PIGZ: variants seen among roughly 807,000 people sequenced by gnomAD.
The protein encoded by PIGZ is phosphatidylinositol glycan anchor biosynthesis class Z (Gwada blood group).
In PIGZ, 16 loss-of-function variants were observed where a neutral mutation model predicts 16.4. That is an observed-to-expected ratio of 0.97 (90% CI 0.66 to 1.48). The LOEUF (loss-of-function observed/expected upper bound fraction) is 1.48. Ranked by LOEUF, PIGZ falls within the 40% of genes most tolerant of loss-of-function variation. The probability of loss-of-function intolerance (pLI) is 0.00; values close to 1 mark genes in which losing one functional copy is unlikely to be tolerated. For synonymous variants in PIGZ, 409 were observed against 338.4 expected, an observed-to-expected ratio of 1.21 and a Z score of -2.29; for missense variants, 770 against 739.2, an observed-to-expected ratio of 1.04 and a Z score of -0.48.
chr3:196,958,670 T>C (rs549445), intron 1 of PIGZ, among the ~76,000 whole-genome samples: 104,102 of 152,148 alleles, frequency 0.68, 35,866 homozygotes, highest in East Asian at 0.81. Context: ...CAAAAAACAC[T>C]GTTAACATTT....
rs1182093467 is a variant in PIGZ at position 196,965,040 on chromosome 3, A to C, written c.-1+3647T>G. ...AACACAGGGCAGCCCAAAAGAACTC[A>C]TCACCTTCCCTGGAATGAGCCCTGT... On this transcript the variant is annotated intron_variant, in intron 1 of 2. Transcript: ENST00000412723. This position sits in a 1 kb window ranked among gnomAD's most constrained non-coding sequence, Gnocchi z 4.2. Among the ~76,000 whole-genome samples the C allele has an allele frequency of 6.6e-6, 1 of 152,140 alleles. No homozygotes were observed. The highest frequency in any genetic ancestry group is 1.5e-5 in the Non-Finnish European group (1 of 68,018).
chr3:196,952,449 G>GT (rs2108905092), intron 1 of PIGZ, among the ~76,000 whole-genome samples: 1 of 152,246 alleles, frequency 6.6e-6, no homozygotes, highest in South Asian at 2.1e-4. Flanking sequence ...TTGTTTGTTT[G>GT]TTTTTTGAGA....
chr3:196,966,174 C>T (rs186764409), intron 1 of PIGZ, among the ~76,000 whole-genome samples: 25 of 152,202 alleles, frequency 1.6e-4, no homozygotes, highest in African/African-American at 5.8e-4. Context: ...TTACCCAATA[C>T]GCTAATAACA....
chr3:196,948,554 G>T lies in PIGZ; in HGVS notation c.343C>A (p.Pro115Thr), dbSNP rs779128870. ...WLLRLWEELGPWPGLVSGYAL... is the reference protein window; with the variant it reads ...WLLRLWEELGTWPGLVSGYAL... ...TAGCCGCTCACCAGGCCAGGCCACG[G>T]CCCCAGCTCCTCCCAGAGCCTGAGC... The change falls in exon 3 of 3, where the codon CCG becomes ACG. Residue 115 changes from proline to threonine, a missense_variant. Transcript: ENST00000412723. The T allele has an allele frequency of 4.4e-6, 7 of 1,602,404 alleles. No individual in the cohort carries two copies. The highest frequency in any genetic ancestry group is 5.1e-6 in the Non-Finnish European group (6 of 1,174,912).
Position 196,947,841 on chromosome 3 carries a change from G to T in PIGZ, c.1056C>A (p.Gly352=). The T allele has an allele frequency of 3.7e-6, 6 of 1,612,498 alleles. No homozygotes were observed. Among genetic ancestry groups the T allele is most frequent in the Non-Finnish European group, 5.1e-6 (6 of 1,178,918 alleles). Residue 352 remains glycine (G), a synonymous_variant, in exon 3 of 3, where the codon GGC becomes GGA. Coordinates refer to ENST00000412723, the MANE Select transcript of PIGZ (RefSeq NM_025163.4). The stretch of plus-strand genomic sequence containing the variant: ...TCCGGGCACCCAGTGCCCTCAGGAG[G>T]CCCATTTGTGCAGAGGCCTGGAGGC... The part of the protein sequence containing the change: ...QVGLQASAQM[G]LLRALGARSL...
rs763594180 is a variant in PIGZ, at chr3:196,947,648, C to T, written c.1249G>A (p.Val417Ile). 3 of 1,611,232 alleles carry T rather than the reference C, an allele frequency of 1.9e-6. No homozygotes were observed. The highest frequency in any genetic ancestry group is 2.5e-6 in the Non-Finnish European group (3 of 1,178,190). Residue 417 changes from valine to isoleucine, a missense_variant, in exon 3 of 3, where the codon GTC (valine) becomes ATC (isoleucine). Val to Ile is a conservative substitution (Grantham distance 29). Coordinates refer to ENST00000412723, the MANE Select transcript of PIGZ (RefSeq NM_025163.4). ...AGGGCACCGAGGGCGTTGAAGAGGACCACAGTGCCCTTCCAAGGCACAGGC... is the reference window on the plus strand; with the variant it reads ...AGGGCACCGAGGGCGTTGAAGAGGATCACAGTGCCCTTCCAAGGCACAGGC... ...TQPVPWKGTV[V>I]LFNALGALLF...
chr3:196,950,472 G>A (rs974532115), intron 2 of PIGZ, among the ~76,000 whole-genome samples: 14 of 152,204 alleles, frequency 9.2e-5, no homozygotes, highest in Non-Finnish European at 1.6e-4. Flanking sequence ...CCTGCTGGCT[G>A]TTTCGAGCTG....
At chr3:196,957,619 A>C (rs977163180) in intron 1 of PIGZ, among the ~76,000 whole-genome samples, 3 of 152,090 alleles carry the variant, frequency 2.0e-5, no homozygotes, top group Non-Finnish European at 4.4e-5. Flanking sequence ...TGACCTCGTG[A>C]TCCGCCGGCC....
intron 1 of PIGZ, among the ~76,000 whole-genome samples, chr3:196,967,035 A>T (rs1717957994): frequency 6.6e-6 from 1 of 151,320 alleles, no homozygotes; most frequent in Non-Finnish European, 1.5e-5. Context: ...GTGTGGGAGA[A>T]TGTGTAGGGC....
Position 196,947,349 on chromosome 3 carries a change from G to T in PIGZ, c.1548C>A (p.Leu516=), listed in dbSNP as rs1372996300. The T allele has an allele frequency of 1.2e-6, 2 of 1,614,110 alleles. No homozygotes were observed. Among genetic ancestry groups the T allele is most frequent in the Non-Finnish European group, 1.7e-6 (2 of 1,180,058 alleles). ...PACQVAGGPW[L]CRLFVVTPGT... is the part of the protein sequence containing the mutation. Reference sequence around the variant, plus strand: ...CAGGGGTTACCACAAAGAGGCGGCAGAGCCATGGCCCACCAGCCACTTGGC... The same window carrying T: ...CAGGGGTTACCACAAAGAGGCGGCATAGCCATGGCCCACCAGCCACTTGGC... The change falls in exon 3 of 3, where the codon CTC becomes CTA. Residue 516 remains leucine (L), a synonymous_variant. Transcript: ENST00000412723.
At chr3:196,963,223 G>C (rs1428600871) in intron 1 of PIGZ, among the ~76,000 whole-genome samples, 2 of 152,164 alleles carry the variant, frequency 1.3e-5, no homozygotes, top group Non-Finnish European at 2.9e-5. Flanking sequence ...CCTCTGAGTT[G>C]TTTCCATGTT....
chr3:196,955,948 A>T (rs911534306), intron 1 of PIGZ, among the ~76,000 whole-genome samples: 12 of 149,530 alleles, frequency 8.0e-5, no homozygotes, highest in African/African-American at 2.2e-4. Flanking sequence ...TGTTTTTTCA[A>T]TTTTTTTTGT....
intron 1 of PIGZ, among the ~76,000 whole-genome samples, chr3:196,956,938 C>A (rs931461025): frequency 3.9e-5 from 6 of 152,140 alleles, no homozygotes; most frequent in African/African-American, 1.4e-4. Flanking sequence ...AATCTGCTGT[C>A]TTGTTTCTGC....
Position 196,948,461 on chromosome 3 carries a change from G to T in PIGZ, c.436C>A (p.His146Asn), listed in dbSNP as rs1455605456. 1 of 1,613,978 alleles carries T rather than the reference G, an allele frequency of 6.2e-7. No individual in the cohort carries two copies. Among genetic ancestry groups the T allele is most frequent in the Non-Finnish European group, 8.5e-7 (1 of 1,179,956 alleles). Residue 146 changes from histidine to asparagine, a missense_variant, in exon 3 of 3, where the codon CAC becomes AAC. Transcript: ENST00000412723. ...LSFALDGAVY[H>N]LAPPMGADRW... ...TCCGCCCCCATCGGCGGGGCCAGGT[G>T]GTACACGGCCCCGTCCAGAGCAAAG...
chr3:196,964,846 C>T (rs1190936232), intron 1 of PIGZ, among the ~76,000 whole-genome samples: 1 of 152,204 alleles, frequency 6.6e-6, no homozygotes, highest in African/African-American at 2.4e-5. Context: ...TAGCAATCCT[C>T]CCACCTCAGC....
At chr3:196,966,722 C>A (rs767647027) in intron 1 of PIGZ, among the ~76,000 whole-genome samples, 3 of 152,256 alleles carry the variant, frequency 2.0e-5, no homozygotes, top group Non-Finnish European at 4.4e-5. Flanking sequence ...CATGTGGCTG[C>A]CTCTCGCCTT....
chr3:196,952,726 G>A (rs907354272), intron 1 of PIGZ, among the ~76,000 whole-genome samples: 4 of 152,198 alleles, frequency 2.6e-5, no homozygotes, highest in African/African-American at 4.8e-5. Context: ...GTGAGCCACC[G>A]TGCCCAGCTA....
At position 196,948,603 on chromosome 3, in the gene PIGZ, C is replaced by A. The variant is rs1398417511; in HGVS notation, c.294G>T (p.Leu98=). 1 of 1,564,562 alleles carries A rather than the reference C, an allele frequency of 6.4e-7. No homozygotes were observed. The highest frequency in any genetic ancestry group is 1.7e-4 in the Middle Eastern group (1 of 5,894). Residue 98 remains leucine, a synonymous_variant, in exon 3 of 3, where the codon CTG becomes CTT. Coordinates refer to ENST00000412723, the MANE Select transcript of PIGZ (RefSeq NM_025163.4). ...SSCRSVLFPL[L]ISGSTFWLLR... ...GCAGCCAGAAGGTGGAACCAGAGAT[C>A]AGCAGGGGGAAGAGCACCGAGCGGC...
At chr3:196,964,992 G>A (rs1005647811) in intron 1 of PIGZ, among the ~76,000 whole-genome samples, 4 of 152,152 alleles carry the variant, frequency 2.6e-5, no homozygotes, top group Non-Finnish European at 4.4e-5. Flanking sequence ...TCCACTGCCC[G>A]TTAGGCTTCT....
Sources: gnomAD v4.1 joint callset for allele counts (sites outside exome capture counted in the v4.1 genomes callset) on GRCh38, gnomAD v4.1.1 for gene constraint, Gnocchi (gnomAD v3.1) non-coding constraint, MANE v1.5 for transcripts, NCBI Gene and HGNC (gene_info 2026-07-23, HGNC 2026-07-21) for gene names.